Variants in TNR observed in about 807,000 individuals in gnomAD.
TNR encodes tenascin R, also known as tenascin-R.
Under a neutral mutation model 150.4 loss-of-function variants are expected in TNR, and 45 were observed. The ratio of observed to expected loss-of-function variants is 0.30; its 90% CI spans 0.24 to 0.38. TNR has a LOEUF of 0.38. Ranked by LOEUF, TNR falls within the 10% of genes least tolerant of loss-of-function variation. The probability of loss-of-function intolerance (pLI) is 1.00; values close to 1 mark genes in which losing one functional copy is unlikely to be tolerated. For synonymous variants in TNR, 687 were observed against 678.4 expected, an observed-to-expected ratio of 1.01 and a Z score of -0.20; for missense variants, 1,544 against 1,759.1, an observed-to-expected ratio of 0.88 and a Z score of 2.19.
rs147512238 is a variant in TNR, at chr1:175,527,748, G to T, written c.-64+521C>A. On this transcript the variant is annotated intron_variant, in intron 2 of 22. Coordinates refer to ENST00000367674, the MANE Select transcript of TNR (RefSeq NM_003285.3). The stretch of plus-strand genomic sequence containing the variant: ...AAAATTCTTTAGACATATATATGTG[G>T]TATGAAAAAGGAATTAGGAAAGCTT... 1.3e-3 allele frequency among the ~76,000 whole-genome samples: 193 copies of T among 152,212 alleles called. 1 individual carries two copies. The highest frequency in any genetic ancestry group is 4.5e-3 in the African/African-American group (185 of 41,526).
At chr1:175,330,998 A>ATTCTTTCTTTC (rs1649723834) in intron 20 of TNR, among the ~76,000 whole-genome samples, 18 of 72,826 alleles carry the variant, frequency 2.5e-4, no homozygotes, top group African/African-American at 8.1e-4. Context: ...CCTCTTGGTG[A>ATTCTTTCTTTC]TTCTTTCTTT....
rs577407912 is a variant in TNR at position 175,323,249 on chromosome 1, C to T, written c.*108G>A. 6.9e-7 allele frequency: 1 copy of T among 1,440,640 alleles called. No homozygotes were observed. Among genetic ancestry groups the T allele is most frequent in the South Asian group, 1.3e-5 (1 of 75,982 alleles). The allele number at this position is 1,440,640 out of a possible 1,614,324, so 89.2% of individuals were successfully genotyped here. The stretch of plus-strand genomic sequence containing the variant: ...GCGACATCCCTGCTTCCTTCACATA[C>T]TCTTAATATGTTGCAAAACACATTG... On this transcript the variant is annotated 3_prime_UTR_variant, in exon 23 of 23. Transcript: ENST00000367674.
intron 2 of TNR, among the ~76,000 whole-genome samples, chr1:175,527,742 T>A (rs1659901363): frequency 1.3e-5 from 2 of 152,150 alleles, no homozygotes; most frequent in South Asian, 4.1e-4. Context: ...TAGACATATA[T>A]ATGTGGTATG....
At chr1:175,624,294 T>A (rs1664074904) in intron 1 of TNR, among the ~76,000 whole-genome samples, 1 of 152,102 alleles carries the variant, frequency 6.6e-6, no homozygotes, top group Admixed American at 6.5e-5. Context: ...GCTGGGTTGA[T>A]CATGTCCCTT....
chr1:175,419,042 C>G (rs1654635469), intron 2 of TNR, among the ~76,000 whole-genome samples: 1 of 152,092 alleles, frequency 6.6e-6, no homozygotes, highest in Admixed American at 6.5e-5. Flanking sequence ...TCTTATTTTG[C>G]AGTTATTTAG....
chr1:175,453,555 T>C (rs1656422633), intron 2 of TNR, among the ~76,000 whole-genome samples: 1 of 151,940 alleles, frequency 6.6e-6, no homozygotes, highest in Non-Finnish European at 1.5e-5. Flanking sequence ...TATTTATTTA[T>C]TATTTTATTA....
Position 175,599,957 on chromosome 1 carries a change from GAT to G in TNR, c.-164-71590_-164-71589del, listed in dbSNP as rs568821314. Among the ~76,000 whole-genome samples the G allele has an allele frequency of 1.1e-3, 173 of 152,318 alleles. No homozygotes were observed. Among genetic ancestry groups the G allele is most frequent in the African/African-American group, 4.1e-3 (171 of 41,562 alleles). On this transcript the variant is annotated intron_variant, in intron 1 of 22. Transcript: ENST00000367674. The surrounding 1 kb of genome is among the most constrained non-coding windows in gnomAD (Gnocchi z 4.7). ...GAGGGAGGAAAAGAGTGAGCCATAT[GAT>G]AGAGTAAAATCCCTTGCAGGACTTC... is the stretch of plus-strand genomic sequence containing the variant.
intron 20 of TNR, among the ~76,000 whole-genome samples, chr1:175,331,018 T>A (rs375851847): frequency 1.7e-5 from 1 of 60,410 alleles, no homozygotes; most frequent in African/African-American, 5.9e-5. Context: ...TCTTTCTTTC[T>A]TTCTTTCTTT....
At chr1:175,383,583 G>T (rs1330896616) in intron 8 of TNR, among the ~76,000 whole-genome samples, 2 of 152,224 alleles carry the variant, frequency 1.3e-5, no homozygotes, top group Non-Finnish European at 1.5e-5. Context: ...TTTCAGAACA[G>T]CTCTAAGACC....
At chr1:175,379,039 C>T (rs1370457738) in intron 9 of TNR, among the ~76,000 whole-genome samples, 2 of 151,976 alleles carry the variant, frequency 1.3e-5, no homozygotes, top group African/African-American at 2.4e-5. Flanking sequence ...ATTAGCCGGG[C>T]GTGGTGGCAG....
intron 1 of TNR, among the ~76,000 whole-genome samples, chr1:175,533,579 A>G (rs1026207912): frequency 1.6e-4 from 25 of 152,332 alleles, no homozygotes; most frequent in African/African-American, 4.8e-4. Context: ...GAGACGCTGA[A>G]GTTCTTTCAT....
intron 1 of TNR, among the ~76,000 whole-genome samples, chr1:175,541,571 T>C (rs543347981): frequency 3.3e-5 from 5 of 152,276 alleles, no homozygotes; most frequent in African/African-American, 7.2e-5. Context: ...CAAATCATTA[T>C]AGTCAACTGA....
chr1:175,513,338 G>T lies in TNR; in HGVS notation c.-64+14931C>A, dbSNP rs571974635. On this transcript the variant is annotated intron_variant, in intron 2 of 22. Transcript: ENST00000367674. Reference sequence around the variant, plus strand: ...CATCTCCATCCCCTTATTCACTAGTGATCTACCTGCTTGCAAAGTTTGGAA... The same window carrying T: ...CATCTCCATCCCCTTATTCACTAGTTATCTACCTGCTTGCAAAGTTTGGAA... Among the ~76,000 whole-genome samples the T allele has an allele frequency of 5.9e-5, 9 of 152,254 alleles. 1 individual carries two copies. In the South Asian group the frequency reaches 1.9e-3, roughly 32 times the overall value.
intron 1 of TNR, among the ~76,000 whole-genome samples, chr1:175,545,498 G>A (rs2102193576): frequency 6.6e-6 from 1 of 152,324 alleles, no homozygotes; most frequent in South Asian, 2.1e-4. Context: ...ACTGAGGAGG[G>A]AGATTTGGTG....
Position 175,714,811 on chromosome 1 carries a change from GC to G in TNR, c.-165+28414del, listed in dbSNP as rs1667110744. On this transcript the variant is annotated intron_variant, in intron 1 of 22. Transcript: ENST00000367674. The stretch of plus-strand genomic sequence containing the variant: ...CACTGGACAATGTGCAAGACAATCA[GC>G]CCAGAGTCTGTGGCTCAGCCTGCGG... Among the ~76,000 whole-genome samples the G allele has an allele frequency of 2.0e-5, 3 of 152,308 alleles. No homozygotes were observed. The South Asian group carries it at 6.2e-4, about 32-fold the overall frequency.
chr1:175,615,972 T>C (rs997230349), intron 1 of TNR, among the ~76,000 whole-genome samples: 4 of 152,218 alleles, frequency 2.6e-5, no homozygotes, highest in African/African-American at 9.6e-5. Flanking sequence ...TGTAGGTAGA[T>C]ATTAAATGTG....
chr1:175,373,108 G>A (rs773314028), intron 9 of TNR, among the ~76,000 whole-genome samples: 4 of 152,212 alleles, frequency 2.6e-5, no homozygotes, highest in Non-Finnish European at 5.9e-5. Context: ...AGTAGCGGTG[G>A]TGGTGGGGAG....
At position 175,543,390 on chromosome 1, in the gene TNR, G is replaced by T. The variant is rs1660574151; in HGVS notation, c.-164-15021C>A. 1.3e-5 allele frequency among the ~76,000 whole-genome samples: 2 copies of T among 152,100 alleles called. 1 individual carries two copies. Among genetic ancestry groups the T allele is most frequent in the African/African-American group, 4.8e-5 (2 of 41,412 alleles). On this transcript the variant is annotated intron_variant, in intron 1 of 22. Coordinates refer to ENST00000367674, the MANE Select transcript of TNR (RefSeq NM_003285.3). ...AGCACTGTCAGATTCAGGCTGTCAGGGCTTCAGAGAGAGTACTTTTAATAT... is the reference window on the plus strand; with the variant it reads ...AGCACTGTCAGATTCAGGCTGTCAGTGCTTCAGAGAGAGTACTTTTAATAT...
Position 175,315,782 on chromosome 1 carries a change from GT to G in TNR, c.*7574del. 6.6e-6 allele frequency: 1 copy of G among 150,494 alleles called. No homozygotes were observed. The highest frequency in any genetic ancestry group is 2.5e-5 in the African/African-American group (1 of 40,620). 9.3% of individuals were successfully genotyped at this position (150,494 alleles called of 1,614,324 possible). A position where few individuals can be genotyped will look rare whatever the true frequency, so the allele number is the denominator to read the frequency against. On this transcript the variant is annotated 3_prime_UTR_variant, in exon 23 of 23. Coordinates refer to ENST00000367674, the MANE Select transcript of TNR (RefSeq NM_003285.3). ...TGTGTGTGTTTGTGCATGTGCACCT[GT>G]GTATGTGTGCATGCATGTGTGTGTG...
Sources: allele counts gnomAD v4.1 joint callset (sites outside exome capture counted in the v4.1 genomes callset), GRCh38; gene constraint gnomAD v4.1.1; non-coding constraint Gnocchi (gnomAD v3.1); transcripts MANE v1.5; gene names NCBI Gene and HGNC (gene_info 2026-07-23, HGNC 2026-07-21).